GPER1: variants seen among roughly 807,000 people sequenced by gnomAD.
GPER1 encodes the protein G protein-coupled estrogen receptor 1.
A neutral mutation model predicts 0.6 loss-of-function variants in GPER1; 2 were observed. That is an observed-to-expected ratio of 3.41 (90% CI 1.39 to 10.72). GPER1 has a LOEUF of 10.72. Among genes scored for constraint, GPER1 ranks in the 30% most tolerant of loss-of-function variants. The pLI is 0.04. For missense variants in GPER1, 441 were observed against 535.2 expected, an observed-to-expected ratio of 0.82 and a Z score of 1.74; for synonymous variants, 263 against 247.6, an observed-to-expected ratio of 1.06 and a Z score of -0.58.
At chr7:1,087,824 C>T (rs2128224479), upstream of GPER1, among the ~76,000 whole-genome samples, 1 of 152,320 alleles carries the variant, frequency 6.6e-6, no homozygotes, top group South Asian at 2.1e-4. Flanking sequence ...CTTGCTTCAA[C>T]CCAGGAGGAC....
At position 1,092,872 on chromosome 7, in the gene GPER1, T is replaced by C. The variant is rs369412581; in HGVS notation, c.*16T>C. 6.0e-5 allele frequency: 97 copies of C among 1,606,332 alleles called. No homozygotes were observed. Among genetic ancestry groups the C allele is most frequent in the South Asian group, 9.9e-5 (9 of 90,484 alleles). On this transcript the variant is annotated 3_prime_UTR_variant, in exon 2 of 2. Transcript: ENST00000397088. The stretch of plus-strand genomic sequence containing the variant: ...TGCCGTGTAGACAGCCTTGGCCGCA[T>C]AGGCCCAGCCAGGGTGTGACTCGGG...
rs1015414239 is a variant in GPER1, at chr7:1,091,510, G to T, written c.-219G>T. 1 of 533,004 alleles carries T rather than the reference G, an allele frequency of 1.9e-6. No individual in the cohort carries two copies. Among genetic ancestry groups the T allele is most frequent in the Non-Finnish European group, 3.3e-6 (1 of 302,286 alleles). The allele number at this position is 533,004 out of a possible 1,614,324, so 33.0% of individuals were successfully genotyped here. A position where few individuals can be genotyped will look rare whatever the true frequency, so the allele number is the denominator to read the frequency against. On this transcript the variant is annotated 5_prime_UTR_variant, in exon 2 of 2. The change abolishes an upstream ATG in the 5' untranslated region. Transcript: ENST00000397088. ...GCGGAGGGCCCTCGCCTCCACGGAT[G>T]CACCATGCCGGTGTGAGGAGCATCT... is the stretch of plus-strand genomic sequence containing the variant.
In GPER1 at chr7:1,092,339, C is replaced by G. The variant is rs773691766; in HGVS notation, c.611C>G (p.Ala204Gly). ...GTGCACCTGCAGCACACCGACGAGG[C>G]CTGCTTCTGTTTCGCGGATGTCCGG... ...TAVHLQHTDE[A>G]CFCFADVREV... Residue 204 changes from alanine (A) to glycine (G), a missense_variant, in exon 2 of 2, where the codon GCC becomes GGC. Coordinates refer to ENST00000397088, the MANE Select transcript of GPER1 (RefSeq NM_001098201.3). The G allele has an allele frequency of 2.5e-6, 4 of 1,611,418 alleles. No individual in the cohort carries two copies. Among genetic ancestry groups the G allele is most frequent in the South Asian group, 1.1e-5 (1 of 90,910 alleles).
Position 1,093,703 on chromosome 7 carries a change from A to G in GPER1, c.*847A>G, listed in dbSNP as rs1169410973. 2.1e-6 allele frequency: 1 copy of G among 468,524 alleles called. No homozygotes were observed. Among genetic ancestry groups the G allele is most frequent in the African/African-American group, 2.0e-5 (1 of 50,182 alleles). 29.0% of individuals were successfully genotyped at this position (468,524 alleles called of 1,614,324 possible). A position where few individuals can be genotyped will look rare whatever the true frequency, so the allele number is the denominator to read the frequency against. ...ACGAATTTGTTTCTACAGAAATAAC[A>G]GCTGGGGACAACTGCGGTGATGATG... On this transcript the variant is annotated 3_prime_UTR_variant, in exon 2 of 2. Transcript: ENST00000397088.
rs1262586819 is a variant in GPER1 at position 1,092,865 on chromosome 7, G to C, written c.*9G>C. The C allele has an allele frequency of 1.9e-6, 3 of 1,609,424 alleles. No homozygotes were observed. Among genetic ancestry groups the C allele is most frequent in the Non-Finnish European group, 2.5e-6 (3 of 1,177,694 alleles). On this transcript the variant is annotated 3_prime_UTR_variant, in exon 2 of 2. Transcript: ENST00000397088. ...TCAGCAGTGCCGTGTAGACAGCCTT[G>C]GCCGCATAGGCCCAGCCAGGGTGTG...
Position 1,093,755 on chromosome 7 carries a change from A to C in GPER1, c.*899A>C. ...AAAAACCTTCCCATAAAATGTAAGA[A>C]AAGCTGATGAGGCTGGTGACGTTCA... On this transcript the variant is annotated 3_prime_UTR_variant, in exon 2 of 2. Coordinates refer to ENST00000397088, the MANE Select transcript of GPER1 (RefSeq NM_001098201.3). 2.2e-6 allele frequency: 1 copy of C among 451,800 alleles called. No homozygotes were observed. The highest frequency in any genetic ancestry group is 4.7e-6 in the Non-Finnish European group (1 of 213,780). 28.0% of individuals were successfully genotyped at this position (451,800 alleles called of 1,614,324 possible). A position where few individuals can be genotyped will look rare whatever the true frequency, so the allele number is the denominator to read the frequency against.
chr7:1,090,463 A>G (rs1004373859), intron 1 of GPER1, among the ~76,000 whole-genome samples: 1 of 149,506 alleles, frequency 6.7e-6, no homozygotes, highest in Non-Finnish European at 1.5e-5. Flanking sequence ...CAGCAGGGCC[A>G]GGGTGACACG....
In GPER1 at chr7:1,092,748, G is replaced by T; in HGVS notation, c.1020G>T (p.Glu340Asp). Residue 340 changes from glutamate (E) to aspartate (D), a missense_variant, in exon 2 of 2, where the codon GAG becomes GAT. Glu to Asp is a conservative substitution (Grantham distance 45, BLOSUM62 2). Coordinates refer to ENST00000397088, the MANE Select transcript of GPER1 (RefSeq NM_001098201.3). ...GGGACAAGCTGAGGCTGTACATTGA[G>T]CAGAAAACAAATTTGCCGGCCCTGA... ...TFRDKLRLYI[E>D]QKTNLPALNR... The T allele has an allele frequency of 6.2e-7, 1 of 1,613,668 alleles. No homozygotes were observed. The highest frequency in any genetic ancestry group is 2.2e-5 in the East Asian group (1 of 44,876).
rs1788155667 is a variant in GPER1, at chr7:1,092,864, T to C, written c.*8T>C. On this transcript the variant is annotated 3_prime_UTR_variant, in exon 2 of 2. Transcript: ENST00000397088. ...TTCAGCAGTGCCGTGTAGACAGCCT[T>C]GGCCGCATAGGCCCAGCCAGGGTGT... is the stretch of plus-strand genomic sequence containing the variant. 1 of 1,610,328 alleles carries C rather than the reference T, an allele frequency of 6.2e-7. No homozygotes were observed. Among genetic ancestry groups the C allele is most frequent in the Non-Finnish European group, 8.5e-7 (1 of 1,178,172 alleles).
rs758280016 is a variant in GPER1, at chr7:1,091,761, C to T, written c.33C>T (p.Gly11=). 46 of 1,553,090 alleles carry T rather than the reference C, an allele frequency of 3.0e-5. No homozygotes were observed. Among genetic ancestry groups the T allele is most frequent in the Non-Finnish European group, 7.0e-6 (8 of 1,147,554 alleles). Residue 11 remains glycine (G), a synonymous_variant, in exon 2 of 2, where the codon GGC becomes GGT. Transcript: ENST00000397088. ...TGACTTCCCAAGCCCGGGGCGTGGG[C>T]CTGGAGATGTACCCAGGCACCGCGC... MDVTSQARGV[G]LEMYPGTAQP...
upstream of GPER1, chr7:1,087,245 G>GT (rs1352862796): frequency 1.3e-5 from 2 of 152,362 alleles, no homozygotes; most frequent in South Asian, 4.1e-4. Context: ...TGGACGGCAG[G>GT]TAAGTTCCGA....
chr7:1,088,159 C>A lies in GPER1; in HGVS notation c.-485C>A, dbSNP rs1030256137. 1.3e-5 allele frequency: 2 copies of A among 152,318 alleles called. No individual in the cohort carries two copies. Among genetic ancestry groups the A allele is most frequent in the African/African-American group, 4.8e-5 (2 of 41,476 alleles). 9.4% of individuals were successfully genotyped at this position (152,318 alleles called of 1,614,324 possible). ...ACCCGCCAGCCAGCCGGGAACCTTC[C>A]CTCGCGGGCTCCCAGGGCGGGTCTC... On this transcript the variant is annotated 5_prime_UTR_variant, in exon 1 of 2. Coordinates refer to ENST00000397088, the MANE Select transcript of GPER1 (RefSeq NM_001098201.3). This position sits in a 1 kb window ranked among gnomAD's most constrained non-coding sequence, Gnocchi z 4.5.
In GPER1 at chr7:1,093,002, C is replaced by T. The variant is rs1253488630; in HGVS notation, c.*146C>T. The T allele has an allele frequency of 1.2e-5, 9 of 770,338 alleles. No homozygotes were observed. The highest frequency in any genetic ancestry group is 2.1e-5 in the Non-Finnish European group (9 of 434,862). The allele number at this position is 770,338 out of a possible 1,614,324, so 47.7% of individuals were successfully genotyped here. A position where few individuals can be genotyped will look rare whatever the true frequency, so the allele number is the denominator to read the frequency against. On this transcript the variant is annotated 3_prime_UTR_variant, in exon 2 of 2. Coordinates refer to ENST00000397088, the MANE Select transcript of GPER1 (RefSeq NM_001098201.3). ...CGGGGCCTCGCGAGGGTCACGCTTG[C>T]CTGGTCACCCTGGGGCTGCTTAGGA...
At position 1,093,429 on chromosome 7, in the gene GPER1, G is replaced by A. The variant is rs148746582; in HGVS notation, c.*573G>A. 499 of 462,900 alleles carry A rather than the reference G, an allele frequency of 1.1e-3. 2 individuals are homozygous for A. The highest frequency in any genetic ancestry group is 9.1e-3 in the African/African-American group (456 of 50,068). The allele number at this position is 462,900 out of a possible 1,614,324, so 28.7% of individuals were successfully genotyped here. ...ATGCTGCTCTGGTGCACGCCTGAGC[G>A]TCCTCCATCTTCCAGGATGGCAGCA... is the stretch of plus-strand genomic sequence containing the variant. On this transcript the variant is annotated 3_prime_UTR_variant, in exon 2 of 2. Transcript: ENST00000397088.
Position 1,092,117 on chromosome 7 carries a change from G to A in GPER1, c.389G>A (p.Cys130Tyr). ...CGGTACTACGACATCGCCGTCCTGTGCACCTTCATGTCGCTCTTCCTGCAG... is the reference window on the plus strand; with the variant it reads ...CGGTACTACGACATCGCCGTCCTGTACACCTTCATGTCGCTCTTCCTGCAG... Reference protein sequence around the residue: ...HERYYDIAVLCTFMSLFLQVN... With the variant: ...HERYYDIAVLYTFMSLFLQVN... The change falls in exon 2 of 2, where the codon TGC becomes TAC. Residue 130 changes from cysteine (C) to tyrosine (Y), a missense_variant. Coordinates refer to ENST00000397088, the MANE Select transcript of GPER1 (RefSeq NM_001098201.3). 1 of 1,613,850 alleles carries A rather than the reference G, an allele frequency of 6.2e-7. No individual in the cohort carries two copies. Among genetic ancestry groups the A allele is most frequent in the Non-Finnish European group, 8.5e-7 (1 of 1,180,036 alleles).
At chr7:1,090,376 G>A (rs934758026) in intron 1 of GPER1, among the ~76,000 whole-genome samples, 8 of 152,294 alleles carry the variant, frequency 5.3e-5, no homozygotes, top group Admixed American at 3.3e-4. Context: ...ACAGTGACAC[G>A]GGGCAGGTGA....
upstream of GPER1, chr7:1,087,274 G>A (rs1348965254): frequency 6.6e-6 from 1 of 152,234 alleles, no homozygotes; most frequent in Non-Finnish European, 1.5e-5. Context: ...CAGCGAGCGC[G>A]GGAGGAGGGA....
At position 1,088,570 on chromosome 7, in the gene GPER1, G is replaced by A. The variant is rs1276978934; in HGVS notation, c.-323+249G>A. ...GCCTTTCTAACTCGTGCTGAAAGCA[G>A]GACCCAGTATTCCGTCACGTTCTGT... On this transcript the variant is annotated intron_variant, in intron 1 of 1. Coordinates refer to ENST00000397088, the MANE Select transcript of GPER1 (RefSeq NM_001098201.3). This position sits in a 1 kb window ranked among gnomAD's most constrained non-coding sequence, Gnocchi z 4.5. Among the ~76,000 whole-genome samples the A allele has an allele frequency of 6.6e-6, 1 of 152,202 alleles. No homozygotes were observed. The highest frequency in any genetic ancestry group is 1.9e-4 in the East Asian group (1 of 5,186).
Position 1,092,515 on chromosome 7 carries a change from G to T in GPER1, c.787G>T (p.Ala263Ser). The change falls in exon 2 of 2, where the codon GCG becomes TCG. Residue 263 changes from alanine to serine, a missense_variant. Transcript: ENST00000397088. ...RRQKALRMILAVVLVFFVCWL... is the reference protein window; with the variant it reads ...RRQKALRMILSVVLVFFVCWL... ...GCAGAAGGCGCTCCGCATGATCCTC[G>T]CGGTGGTGCTGGTCTTCTTCGTCTG... 1 of 1,608,046 alleles carries T rather than the reference G, an allele frequency of 6.2e-7. No homozygotes were observed.
Sources: gnomAD v4.1 joint callset for allele counts (sites outside exome capture counted in the v4.1 genomes callset) on GRCh38, gnomAD v4.1.1 for gene constraint, Gnocchi (gnomAD v3.1) non-coding constraint, MANE v1.5 for transcripts, NCBI Gene and HGNC (gene_info 2026-07-23, HGNC 2026-07-21) for gene names.